Variants in MPPED1 observed in about 807,000 individuals in gnomAD.
The protein encoded by MPPED1 is metallophosphoesterase domain containing 1, also known as metallophosphoesterase domain-containing protein 1.
A neutral mutation model predicts 36.2 loss-of-function variants in MPPED1; 16 were observed. That is an observed-to-expected ratio of 0.44 (90% CI 0.30 to 0.67). The LOEUF is 0.67. Ranked by LOEUF, MPPED1 falls within the 30% of genes least tolerant of loss-of-function variation. The probability of loss-of-function intolerance (pLI) is 0.10; values close to 1 mark genes in which losing one functional copy is unlikely to be tolerated. For synonymous variants in MPPED1, 199 were observed against 191.3 expected (o/e 1.04, Z -0.33); for missense variants, 307 against 453.4 (o/e 0.68, Z 2.93).
At chr22:43,416,518 G>A (rs1929079899) in intron 1 of MPPED1, 1 of 152,192 alleles carries the variant, frequency 6.6e-6, no homozygotes, top group Admixed American at 6.5e-5. Flanking sequence ...AGCCATGTAT[G>A]TGCTAAACCC....
At chr22:43,434,376 C>T (rs1469795503) in intron 2 of MPPED1, among the ~76,000 whole-genome samples, 1 of 152,204 alleles carries the variant, frequency 6.6e-6, no homozygotes, top group Non-Finnish European at 1.5e-5. Context: ...TCCTGAAACT[C>T]CCCCTCCCGT....
chr22:43,426,207 T>C (rs1056835820), intron 2 of MPPED1, among the ~76,000 whole-genome samples: 3 of 152,070 alleles, frequency 2.0e-5, no homozygotes, highest in Non-Finnish European at 4.4e-5. Flanking sequence ...CCCGGGGCTC[T>C]CCTTGCTGGG....
intron 3 of MPPED1, among the ~76,000 whole-genome samples, chr22:43,465,511 G>T (rs1468306162): frequency 6.6e-6 from 1 of 152,250 alleles, no homozygotes; most frequent in Non-Finnish European, 1.5e-5. Context: ...CGTGCTGGCG[G>T]TAGAGCGCTG....
Position 43,467,600 on chromosome 22 carries a change from A to G in MPPED1, c.407-7136A>G, listed in dbSNP as rs539100738. Among the ~76,000 whole-genome samples the G allele has an allele frequency of 5.3e-5, 8 of 152,280 alleles. No individual in the cohort carries two copies. In the South Asian group the frequency reaches 1.0e-3, roughly 20 times the overall value. On this transcript the variant is annotated intron_variant, in intron 3 of 6. Coordinates refer to ENST00000443721, the MANE Select transcript of MPPED1 (RefSeq NM_001044370.2). Reference sequence around the variant, plus strand: ...CTGGTGTGTTTCTAGACCATGCGCCATACCGAGAAGTCTGCTAATGTGAAT... The same window carrying G: ...CTGGTGTGTTTCTAGACCATGCGCCGTACCGAGAAGTCTGCTAATGTGAAT...
chr22:43,460,242 CAAAAACAA>C (rs1343384408), intron 3 of MPPED1, among the ~76,000 whole-genome samples: 41,228 of 130,460 alleles, frequency 0.32, 7,746 homozygotes, highest in East Asian at 0.53. Context: ...AAAACAAAAA[CAAAAACAA>C]AAACAAACCC....
intron 4 of MPPED1, among the ~76,000 whole-genome samples, chr22:43,488,640 T>C (rs373735787): frequency 7.2e-5 from 11 of 152,362 alleles, no homozygotes; most frequent in Admixed American, 6.5e-5. Flanking sequence ...GAATTAATTT[T>C]TCCCATGGGT....
At chr22:43,447,116 C>T (rs1025613756) in intron 3 of MPPED1, among the ~76,000 whole-genome samples, 1 of 152,110 alleles carries the variant, frequency 6.6e-6, no homozygotes, top group African/African-American at 2.4e-5. Flanking sequence ...GTATGCCAAG[C>T]GTGCAGTCTG....
chr22:43,475,387 A>T (rs1387998022), intron 4 of MPPED1, among the ~76,000 whole-genome samples: 2 of 151,096 alleles, frequency 1.3e-5, no homozygotes, highest in Non-Finnish European at 2.9e-5. Flanking sequence ...ATCTTTCTCT[A>T]ATGCTGTCTT....
intron 3 of MPPED1, among the ~76,000 whole-genome samples, chr22:43,443,352 T>A (rs1930220266): frequency 6.6e-6 from 1 of 152,118 alleles, no homozygotes; most frequent in Non-Finnish European, 1.5e-5. Context: ...GAAGGACCCT[T>A]CTGGGTGGAG....
rs1932826051 is a variant in MPPED1 at position 43,506,956 on chromosome 22, T to A, written c.*1340T>A. The A allele has an allele frequency of 1.3e-5, 2 of 152,202 alleles. No individual in the cohort carries two copies. Among genetic ancestry groups the A allele is most frequent in the South Asian group, 4.1e-4 (2 of 4,832 alleles). 9.4% of individuals were successfully genotyped at this position (152,202 alleles called of 1,614,324 possible). The stretch of plus-strand genomic sequence containing the variant: ...TTTTTGCACCCCTTTCCGTTGTACA[T>A]CTGAGAGAAGGGTGTCACTCCCTCA... On this transcript the variant is annotated 3_prime_UTR_variant, in exon 7 of 7. Coordinates refer to ENST00000443721, the MANE Select transcript of MPPED1 (RefSeq NM_001044370.2).
chr22:43,435,916 A>C (rs1483287978), intron 3 of MPPED1, among the ~76,000 whole-genome samples: 1 of 152,152 alleles, frequency 6.6e-6, no homozygotes, highest in Non-Finnish European at 1.5e-5. Context: ...TGCATGAGTG[A>C]CACACAGAAT....
chr22:43,492,267 G>A (rs1222043125), intron 4 of MPPED1, among the ~76,000 whole-genome samples: 1 of 152,066 alleles, frequency 6.6e-6, no homozygotes, highest in Admixed American at 6.5e-5. Flanking sequence ...TCACACAGGT[G>A]GTAAGGAGTG....
At chr22:43,491,397 G>A (rs1413379979) in intron 4 of MPPED1, among the ~76,000 whole-genome samples, 1 of 152,092 alleles carries the variant, frequency 6.6e-6, no homozygotes, top group Admixed American at 6.6e-5. Flanking sequence ...GGTGGAGGTG[G>A]TGGTGATGAT....
chr22:43,479,955 T>C (rs1036528043), intron 4 of MPPED1, among the ~76,000 whole-genome samples: 1 of 152,100 alleles, frequency 6.6e-6, no homozygotes, highest in Non-Finnish European at 1.5e-5. Context: ...CTCGACTGCC[T>C]GGGCTCAAGT....
intron 3 of MPPED1, among the ~76,000 whole-genome samples, chr22:43,463,811 C>CTTTCTTTCTTTTTTTTTTTTTTTCTT (rs1263255803): frequency 4.1e-5 from 1 of 24,208 alleles, no homozygotes; most frequent in Admixed American, 3.5e-4. Context: ...TTTTTCTTTT[C>CTTTCTTTCTTTTTTTTTTTTTTTCTT]TTTCTTTCTT....
rs1372585556 is a variant in MPPED1, at chr22:43,507,139, C to T, written c.*1523C>T. The T allele has an allele frequency of 1.3e-5, 2 of 152,266 alleles. No homozygotes were observed. Among genetic ancestry groups the T allele is most frequent in the African/African-American group, 2.4e-5 (1 of 41,466 alleles). 9.4% of individuals were successfully genotyped at this position (152,266 alleles called of 1,614,324 possible). A position where few individuals can be genotyped will look rare whatever the true frequency, so the allele number is the denominator to read the frequency against. On this transcript the variant is annotated 3_prime_UTR_variant, in exon 7 of 7. Coordinates refer to ENST00000443721, the MANE Select transcript of MPPED1 (RefSeq NM_001044370.2). ...GTGTGGTAACTTGCCTGGGGGCTCA[C>T]AGCACAAAAGGAGCCGAGGCAGGAT... is the stretch of plus-strand genomic sequence containing the variant.
intron 1 of MPPED1, chr22:43,418,328 G>A (rs1929147842): frequency 2.8e-6 from 1 of 353,310 alleles, no homozygotes; most frequent in Non-Finnish European, 5.6e-6. Context: ...ACACGGTGAA[G>A]CAAAATCTAT....
chr22:43,426,327 C>T (rs1929470059), intron 2 of MPPED1, among the ~76,000 whole-genome samples: 1 of 152,114 alleles, frequency 6.6e-6, no homozygotes, highest in African/African-American at 2.4e-5. Context: ...TCTGGGTGCC[C>T]ACCCCCAAGC....
At chr22:43,435,321 C>G in intron 3 of MPPED1, 106 bp downstream of exon 3, 4 of 1,261,738 alleles carry the variant, frequency 3.2e-6, no homozygotes, top group Non-Finnish European at 3.3e-6. Flanking sequence ...TGCCCGGGCC[C>G]CCTCCTTGGC....
Sources: gnomAD v4.1 joint callset for allele counts (sites outside exome capture counted in the v4.1 genomes callset) on GRCh38, gnomAD v4.1.1 for gene constraint, MANE v1.5 for transcripts, NCBI Gene and HGNC (gene_info 2026-07-23, HGNC 2026-07-21) for gene names.